ATP11C: variants seen among roughly 807,000 people sequenced by gnomAD.
The protein encoded by ATP11C is ATPase phospholipid transporting 11C (ATP11C blood group).
In ATP11C, 36 loss-of-function variants were observed where a neutral mutation model predicts 97.4. The ratio of observed to expected loss-of-function variants is 0.37; its 90% confidence interval spans 0.28 to 0.49. The LOEUF (loss-of-function observed/expected upper bound fraction) is 0.49. ATP11C is among the 20% of genes least tolerant of loss of function. The pLI is 0.98. For missense variants in ATP11C, 730 were observed against 824.6 expected (o/e 0.89, Z 1.40); for synonymous variants, 275 against 290.9 (o/e 0.95, Z 0.56).
intron 15 of ATP11C, 90 bp downstream of exon 15, chrX:139,787,083 G>A (rs2082588887): frequency 1.6e-5 from 19 of 1,153,508 alleles, no homozygotes; most frequent in Non-Finnish European, 2.2e-5. Context: ...TATTTTTAGT[G>A]GCATCATTTC....
intron 1 of ATP11C, among the ~76,000 whole-genome samples, chrX:139,906,781 CAA>C (rs11307874): frequency 1.0e-5 from 1 of 96,509 alleles, no homozygotes; most frequent in African/African-American, 3.7e-5. Context: ...GACTCTGTCT[CAA>C]AAAAAAAAAC....
At chrX:139,907,162 T>C (rs2084993529) in intron 1 of ATP11C, among the ~76,000 whole-genome samples, 1 of 111,508 alleles carries the variant, frequency 9.0e-6, no homozygotes, top group Admixed American at 9.5e-5. Flanking sequence ...TTACTGCCTG[T>C]CTCCCTGTCC....
intron 1 of ATP11C, among the ~76,000 whole-genome samples, chrX:139,912,874 C>G (rs975279420): frequency 8.9e-6 from 1 of 111,861 alleles, no homozygotes; most frequent in African/African-American, 3.2e-5. Context: ...TACTTTTAAT[C>G]AAGGTCTGGG....
intron 12 of ATP11C, among the ~76,000 whole-genome samples, chrX:139,791,218 G>T (rs1184106941): frequency 9.1e-6 from 1 of 109,897 alleles, no homozygotes; most frequent in African/African-American, 3.3e-5. Context: ...TAATCCAAGT[G>T]GTATTACTTG....
At chrX:139,803,685 CTTTTTTTTTTTTTTTTTTTT>C (rs140315105) in intron 6 of ATP11C, among the ~76,000 whole-genome samples, 1 of 38,259 alleles carries the variant, frequency 2.6e-5, no homozygotes, top group Non-Finnish European at 4.7e-5. Flanking sequence ...TACACCCTAT[CTTTTTTTTTTTTTTTTTTTT>C]TTTTTTTTTT....
Position 139,774,707 on chromosome X carries a change from A to G in ATP11C, c.2199T>C (p.Ser733=), listed in dbSNP as rs758779727. The part of the protein sequence containing the change: ...RKKLLHEFPK[S]TRSFKKAWTE... ...TTTCTTACTTTTTAAAGCTTCTAGT[A>G]CTTTTAGGAAACTCATGCAGCAATT... The change falls in exon 19 of 30, where the codon AGT becomes AGC. Residue 733 remains serine (S), a synonymous_variant. Coordinates refer to ENST00000682941, the MANE Select transcript of ATP11C (RefSeq NM_001353812.2). The G allele has an allele frequency of 8.3e-7, 1 of 1,207,542 alleles. No homozygotes were observed. The highest frequency in any genetic ancestry group is 1.1e-6 in the Non-Finnish European group (1 of 892,379).
At chrX:139,899,688 G>A (rs762679611) in intron 1 of ATP11C, among the ~76,000 whole-genome samples, 2 of 111,230 alleles carry the variant, frequency 1.8e-5, no homozygotes, top group African/African-American at 3.3e-5. Flanking sequence ...GAAACTACAC[G>A]ATCTTTATAA....
At chrX:139,796,586 A>T (rs2082801833) in intron 11 of ATP11C, 116 bp from the exon 12 acceptor site, 2 of 502,587 alleles carry the variant, frequency 4.0e-6, no homozygotes, top group Non-Finnish European at 6.5e-6. Flanking sequence ...TGCTCTTGCT[A>T]TAAAGATGGA....
chrX:139,853,842 A>C (rs1231768989), intron 1 of ATP11C, among the ~76,000 whole-genome samples: 4 of 105,795 alleles, frequency 3.8e-5, no homozygotes, highest in African/African-American at 1.4e-4. Context: ...TCAAAAAAAA[A>C]AAAAAAAAAA....
At chrX:139,733,518 A>G (rs1458222940) in intron 28 of ATP11C, among the ~76,000 whole-genome samples, 1 of 112,637 alleles carries the variant, frequency 8.9e-6, no homozygotes, top group African/African-American at 3.2e-5. Context: ...TCATGTTTTG[A>G]CAACTACATT....
intron 12 of ATP11C, among the ~76,000 whole-genome samples, chrX:139,790,498 T>A (rs1036373737): frequency 9.4e-6 from 1 of 106,067 alleles, no homozygotes; most frequent in Admixed American, 1.0e-4. Flanking sequence ...ACACACACAC[T>A]CTTACACTTT....
chrX:139,785,294 T>G lies in ATP11C; in HGVS notation c.1598A>C (p.Glu533Ala). Residue 533 changes from glutamate to alanine, a missense_variant, in exon 16 of 30, where the codon GAA becomes GCA. Transcript: ENST00000682941. ...ENQRKEIEEY[E>A]LLHTLNFDAV... Reference sequence around the variant, plus strand: ...ATCAAAGTTTAAGGTGTGAAGAAGTTCATATCTTTAAGAGAAATGAGCAAA... The same window carrying G: ...ATCAAAGTTTAAGGTGTGAAGAAGTGCATATCTTTAAGAGAAATGAGCAAA... The G allele has an allele frequency of 8.3e-7, 1 of 1,199,901 alleles. No homozygotes were observed.
At chrX:139,738,469 C>T (rs976113363) in intron 27 of ATP11C, among the ~76,000 whole-genome samples, 8 of 111,483 alleles carry the variant, frequency 7.2e-5, no homozygotes, top group African/African-American at 2.6e-4. Flanking sequence ...GTTCTGTATT[C>T]AGAAATTCAA....
At chrX:139,759,640 T>C (rs1429573325) in intron 22 of ATP11C, among the ~76,000 whole-genome samples, 2 of 111,665 alleles carry the variant, frequency 1.8e-5, no homozygotes, top group Non-Finnish European at 3.8e-5. Flanking sequence ...GAAGATGCAA[T>C]GGCGAGAGGA....
chrX:139,806,457 T>C (rs973854044), intron 5 of ATP11C, among the ~76,000 whole-genome samples: 3 of 112,013 alleles, frequency 2.7e-5, no homozygotes, highest in African/African-American at 9.7e-5. Flanking sequence ...TGAACTGAAT[T>C]TCAAAGGGTA....
At chrX:139,921,927 G>A (rs191963582) in intron 1 of ATP11C, among the ~76,000 whole-genome samples, 162 of 109,810 alleles carry the variant, frequency 1.5e-3, no homozygotes, top group African/African-American at 3.7e-3. Flanking sequence ...AAATAAGGCC[G>A]GGCATGGCAG....
At position 139,774,852 on chromosome X, in the gene ATP11C, C is replaced by A; in HGVS notation, c.2054G>T (p.Cys685Phe). The change falls in exon 19 of 30, where the codon TGC (cysteine) becomes TTC (phenylalanine). Residue 685 changes from cysteine (C) to phenylalanine (F), a missense_variant. Physicochemically the swap from Cys to Phe is radical, Grantham distance 205 (BLOSUM62 -2). Coordinates refer to ENST00000682941, the MANE Select transcript of ATP11C (RefSeq NM_001353812.2). ...GDKMETAKST[C>F]YACRLFQTNT... The stretch of plus-strand genomic sequence containing the variant: ...GGTCTGGAAAAGGCGGCAGGCATAG[C>A]ATGTGGATTTAGCTGTCTCCATCTT... 1 of 1,211,775 alleles carries A rather than the reference C, an allele frequency of 8.3e-7. No individual in the cohort carries two copies.
At chrX:139,900,453 G>GA (rs1208780229) in intron 1 of ATP11C, among the ~76,000 whole-genome samples, 1 of 110,086 alleles carries the variant, frequency 9.1e-6, no homozygotes, top group Non-Finnish European at 1.9e-5. Flanking sequence ...GCTTTAGAGG[G>GA]AAAAAAAAGT....
intron 1 of ATP11C, among the ~76,000 whole-genome samples, chrX:139,891,175 C>A (rs1226353034): frequency 1.9e-5 from 1 of 54,017 alleles, no homozygotes; most frequent in African/African-American, 7.3e-5. Context: ...AAGATGATTC[C>A]AAAAGCAAGT....
Sources: allele counts gnomAD v4.1 joint callset (sites outside exome capture counted in the v4.1 genomes callset), GRCh38; gene constraint gnomAD v4.1.1; transcripts MANE v1.5; gene names NCBI Gene and HGNC (gene_info 2026-07-23, HGNC 2026-07-21).